The following TENM2 variants were observed in gnomAD, a reference collection of about 807,000 sequenced individuals.
TENM2 encodes the protein teneurin transmembrane protein 2, also known as teneurin-2.
Under a neutral mutation model 245.2 loss-of-function variants are expected in TENM2, and 52 were observed. The observed-to-expected ratio is 0.21, with a 90% CI of 0.17 to 0.27. The LOEUF (loss-of-function observed/expected upper bound fraction) is 0.27, where lower values mean the gene tolerates loss of function less well. TENM2 is among the 10% of genes least tolerant of loss of function. The pLI is 1.00. For synonymous variants in TENM2, 1,363 were observed against 1,438.9 expected (o/e 0.95, Z 1.19); for missense variants, 3,046 against 3,666.8 (o/e 0.83, Z 4.37).
chr5:167,597,096 A>G (rs1776268859), intron 2 of TENM2, among the ~76,000 whole-genome samples: 1 of 151,630 alleles, frequency 6.6e-6, no homozygotes, highest in Non-Finnish European at 1.5e-5. Context: ...TACTGACACT[A>G]GGACAAGAGT....
intron 13 of TENM2, among the ~76,000 whole-genome samples, chr5:168,189,828 G>A (rs1265471353): frequency 3.3e-5 from 5 of 152,168 alleles, no homozygotes; most frequent in Non-Finnish European, 4.4e-5. Context: ...GGTTGGTCTC[G>A]AATTCCTGGG....
intron 2 of TENM2, among the ~76,000 whole-genome samples, chr5:167,647,120 A>G (rs1780017067): frequency 6.6e-6 from 1 of 152,158 alleles, no homozygotes; most frequent in African/African-American, 2.4e-5. Flanking sequence ...GTGGCTTGGA[A>G]TAAGGAAACC....
chr5:167,423,295 T>C (rs1763619569), intron 2 of TENM2, among the ~76,000 whole-genome samples: 1 of 152,186 alleles, frequency 6.6e-6, no homozygotes, highest in Non-Finnish European at 1.5e-5. Flanking sequence ...CAGTGCTTAA[T>C]GAGGGCTTTG....
the TENM2 span, among the ~76,000 whole-genome samples, chr5:167,139,405 T>C: frequency 2.0e-5 from 3 of 152,380 alleles, no homozygotes; most frequent in African/African-American, 7.2e-5. Context: ...TGTTTTGTGA[T>C]CTATATTCCC....
At chr5:167,716,597 A>T (rs279400) in intron 2 of TENM2, among the ~76,000 whole-genome samples, 42,757 of 152,120 alleles carry the variant, frequency 0.28, 7,616 homozygotes, top group East Asian at 0.52. Context: ...TTGAAAAAAA[A>T]GTTGCATTTT....
At chr5:167,199,962 T>A in the TENM2 span, among the ~76,000 whole-genome samples, 1 of 152,006 alleles carries the variant, frequency 6.6e-6, no homozygotes, top group African/African-American at 2.4e-5. Context: ...CAACACTGAG[T>A]AGAAAGGGGG....
the TENM2 span, among the ~76,000 whole-genome samples, chr5:167,201,023 C>T: frequency 1.3e-5 from 2 of 152,116 alleles, no homozygotes; most frequent in African/African-American, 4.8e-5. Context: ...ATATTGTACT[C>T]AGCATGCTGT....
intron 1 of TENM2, among the ~76,000 whole-genome samples, chr5:167,327,674 G>A (rs1465524652): frequency 6.6e-6 from 1 of 152,274 alleles, no homozygotes; most frequent in South Asian, 2.1e-4. Context: ...AAAAGATTTG[G>A]AGATGGGATG....
chr5:167,114,476 C>T, the TENM2 span, among the ~76,000 whole-genome samples: 1 of 152,188 alleles, frequency 6.6e-6, no homozygotes, highest in Non-Finnish European at 1.5e-5. Context: ...TAATCACTGT[C>T]ATCTCCTAGA....
chr5:167,208,109 C>A, the TENM2 span, among the ~76,000 whole-genome samples: 1 of 152,126 alleles, frequency 6.6e-6, no homozygotes, highest in South Asian at 2.1e-4. Flanking sequence ...GAATTGACAT[C>A]CTTTTGTAAT....
intron 4 of TENM2, among the ~76,000 whole-genome samples, chr5:167,959,222 T>A (rs1780806835): frequency 6.7e-6 from 1 of 149,396 alleles, no homozygotes; most frequent in South Asian, 2.1e-4. Flanking sequence ...TGAGATGGAG[T>A]CTCGCTCTGT....
intron 4 of TENM2, among the ~76,000 whole-genome samples, chr5:167,973,800 A>C (rs1781983764): frequency 6.6e-6 from 1 of 152,072 alleles, no homozygotes; most frequent in Non-Finnish European, 1.5e-5. Context: ...TCATGGCCCA[A>C]GTCAAGGTCA....
At chr5:167,330,304 G>A (rs1757364118) in intron 1 of TENM2, among the ~76,000 whole-genome samples, 1 of 152,104 alleles carries the variant, frequency 6.6e-6, no homozygotes, top group Admixed American at 6.6e-5. Flanking sequence ...AAATATTCCT[G>A]TTTTACAGTT....
rs73801483 is a variant in TENM2, at chr5:167,999,104, C to T, written c.1186+5922C>T. On this transcript the variant is annotated intron_variant, in intron 5 of 28. Coordinates refer to ENST00000518659, the Ensembl canonical transcript of TENM2. ...ACTTGCCTGGCATCTTTTGTGGGGG[C>T]GCAGACTAGGAAAAATGTCAGCCCT... Among the ~76,000 whole-genome samples, 487 of 152,188 alleles carry T rather than the reference C, an allele frequency of 3.2e-3. 1 individual carries two copies. The highest frequency in any genetic ancestry group is 0.011 in the African/African-American group (457 of 41,536).
At chr5:167,578,886 G>A (rs1204217831) in intron 2 of TENM2, among the ~76,000 whole-genome samples, 1 of 152,144 alleles carries the variant, frequency 6.6e-6, no homozygotes, top group Admixed American at 6.5e-5. Flanking sequence ...TTTCAACAGA[G>A]TTCACGATGA....
At chr5:168,200,114 G>T in exon 17 of TENM2, 1 of 1,613,450 alleles carries the variant, frequency 6.2e-7, no homozygotes, top group South Asian at 1.1e-5. Context: ...AGGGTGTATG[G>T]ACTCTCAGAT....
chr5:167,917,015 C>A (rs1332037894), intron 3 of TENM2, among the ~76,000 whole-genome samples: 1 of 152,192 alleles, frequency 6.6e-6, no homozygotes, highest in Non-Finnish European at 1.5e-5. Flanking sequence ...GAAGGAAAAG[C>A]TTGCCCTGAA....
At chr5:167,190,260 T>G in the TENM2 span, among the ~76,000 whole-genome samples, 3 of 152,080 alleles carry the variant, frequency 2.0e-5, no homozygotes, top group African/African-American at 7.2e-5. Context: ...TTTTAAGATA[T>G]GGCAGGGGAT....
At chr5:168,111,485 G>A (rs1051521453) in intron 9 of TENM2, among the ~76,000 whole-genome samples, 1 of 152,144 alleles carries the variant, frequency 6.6e-6, no homozygotes, top group Non-Finnish European at 1.5e-5. Flanking sequence ...AGTCAGGATG[G>A]CTGGTGATCT....
Sources: allele counts gnomAD v4.1 joint callset (sites outside exome capture counted in the v4.1 genomes callset), GRCh38; gene constraint gnomAD v4.1.1; transcripts MANE v1.5; gene names NCBI Gene and HGNC (gene_info 2026-07-23, HGNC 2026-07-21).